DENND1A: variants seen among roughly 807,000 people sequenced by gnomAD.
DENND1A encodes the protein DENN domain containing 1A.
A neutral mutation model predicts 113.7 loss-of-function variants in DENND1A; 51 were observed. The ratio of observed to expected loss-of-function variants is 0.45; its 90% confidence interval spans 0.36 to 0.57. DENND1A has a LOEUF of 0.57. Among genes scored for constraint, DENND1A ranks in the 20% least tolerant of loss-of-function variants. DENND1A has a pLI of 0.00. For synonymous variants in DENND1A, 565 were observed against 570.8 expected (o/e 0.99, Z 0.14); for missense variants, 1,258 against 1,395.9 (o/e 0.90, Z 1.57).
chr9:123,889,992 CAA>C (rs1168649641), intron 1 of DENND1A, among the ~76,000 whole-genome samples: 11 of 151,996 alleles, frequency 7.2e-5, no homozygotes, highest in African/African-American at 2.7e-4. Flanking sequence ...AAAAAAAATT[CAA>C]AAGAGTCCAT....
intron 1 of DENND1A, among the ~76,000 whole-genome samples, chr9:123,898,406 T>C (rs1851101682): frequency 6.6e-6 from 1 of 152,204 alleles, no homozygotes; most frequent in Non-Finnish European, 1.5e-5. Flanking sequence ...CACAGCTTAC[T>C]GCAGCCTCAA....
At chr9:123,557,740 A>G in intron 12 of DENND1A, 45 bp from the exon 13 acceptor site, 2 of 1,606,498 alleles carry the variant, frequency 1.2e-6, no homozygotes, top group Non-Finnish European at 1.7e-6. Flanking sequence ...ACAGGGTCAA[A>G]GTAGGGTGGC....
At chr9:123,901,858 T>C (rs754675336) in intron 1 of DENND1A, among the ~76,000 whole-genome samples, 5 of 151,766 alleles carry the variant, frequency 3.3e-5, no homozygotes, top group African/African-American at 9.7e-5. Flanking sequence ...CAAAAAAAAT[T>C]AGCTGGGCAC....
At chr9:123,638,572 T>C (rs2061842735) in intron 9 of DENND1A, among the ~76,000 whole-genome samples, 1 of 152,182 alleles carries the variant, frequency 6.6e-6, no homozygotes, top group South Asian at 2.1e-4. Context: ...TGGGTTCAAG[T>C]GATTCTCCTG....
chr9:123,563,367 C>A (rs1215372833), intron 12 of DENND1A, among the ~76,000 whole-genome samples: 1 of 152,214 alleles, frequency 6.6e-6, no homozygotes, highest in African/African-American at 2.4e-5. Context: ...CCCCACTGCA[C>A]TCCTCAGGCA....
intron 1 of DENND1A, among the ~76,000 whole-genome samples, chr9:123,918,763 T>C (rs1195387844): frequency 6.6e-6 from 1 of 152,126 alleles, no homozygotes; most frequent in Non-Finnish European, 1.5e-5. Context: ...TCCCAGCTAG[T>C]ATGAAGAAGA....
intron 3 of DENND1A, among the ~76,000 whole-genome samples, chr9:123,772,120 A>G (rs1829822809): frequency 6.6e-6 from 1 of 152,298 alleles, no homozygotes; most frequent in African/African-American, 2.4e-5. Flanking sequence ...AGAGGGAGGG[A>G]AAAACAAGCA....
intron 2 of DENND1A, among the ~76,000 whole-genome samples, chr9:123,869,395 C>T (rs1846203581): frequency 6.6e-6 from 1 of 152,126 alleles, no homozygotes; most frequent in Admixed American, 6.5e-5. Flanking sequence ...TTATAATGAG[C>T]TCTCATTAGG....
At chr9:123,477,390 ATTTT>A (rs760921029) in intron 13 of DENND1A, among the ~76,000 whole-genome samples, 1 of 145,170 alleles carries the variant, frequency 6.9e-6, no homozygotes, top group Admixed American at 6.9e-5. Context: ...ATCTCTATAA[ATTTT>A]TTTTTTTTTT....
chr9:123,584,523 G>GGATGTCTCAA (rs1258200949), intron 11 of DENND1A, among the ~76,000 whole-genome samples: 1 of 152,184 alleles, frequency 6.6e-6, no homozygotes, highest in Non-Finnish European at 1.5e-5. Flanking sequence ...GACATCCAAT[G>GGATGTCTCAA]GCTGCTCAAG....
chr9:123,899,708 A>G (rs1023850623), intron 1 of DENND1A, among the ~76,000 whole-genome samples: 3 of 152,196 alleles, frequency 2.0e-5, no homozygotes, highest in African/African-American at 7.2e-5. Flanking sequence ...CTGAACTAAT[A>G]ATTTGCAACT....
At chr9:123,401,091 A>G (rs1465690226) in intron 21 of DENND1A, 1 of 152,444 alleles carries the variant, frequency 6.6e-6, no homozygotes, top group Admixed American at 6.5e-5. Flanking sequence ...ACAAAGGCCC[A>G]TTAGGATCGG....
chr9:123,692,914 T>C (rs992550477), intron 5 of DENND1A, among the ~76,000 whole-genome samples: 1 of 152,198 alleles, frequency 6.6e-6, no homozygotes, highest in Admixed American at 6.5e-5. Flanking sequence ...GATGGGTATT[T>C]TTAGCTATAA....
At chr9:123,862,116 C>A (rs1845142535) in intron 2 of DENND1A, among the ~76,000 whole-genome samples, 1 of 152,018 alleles carries the variant, frequency 6.6e-6, no homozygotes, top group African/African-American at 2.4e-5. Flanking sequence ...TTTTTTAATT[C>A]TTAAAGGCCA....
At chr9:123,788,958 A>G (rs547056255) in intron 3 of DENND1A, among the ~76,000 whole-genome samples, 1 of 152,252 alleles carries the variant, frequency 6.6e-6, no homozygotes, top group African/African-American at 2.4e-5. Flanking sequence ...TTTTCAAGTC[A>G]GGATCCTACC....
chr9:123,722,087 G>A (rs1313863926), intron 5 of DENND1A, among the ~76,000 whole-genome samples: 1 of 152,184 alleles, frequency 6.6e-6, no homozygotes, highest in Non-Finnish European at 1.5e-5. Context: ...TAAGGTCCAG[G>A]ATGAGGTGGT....
Position 123,657,445 on chromosome 9 carries a change from T to A in DENND1A, c.508-5322A>T, listed in dbSNP as rs558599163. On this transcript the variant is annotated intron_variant, in intron 8 of 23. Transcript: ENST00000394215. ...GGGGTGGGGATGGGAGGGGATATAG[T>A]GGGGCTTAGAGAGAAAGCGTCTTAG... Among the ~76,000 whole-genome samples the A allele has an allele frequency of 2.0e-5, 3 of 151,764 alleles. No individual in the cohort carries two copies. In the South Asian group the frequency reaches 6.3e-4, roughly 32 times the overall value.
chr9:123,913,566 A>T (rs1854463014), intron 1 of DENND1A, among the ~76,000 whole-genome samples: 1 of 152,232 alleles, frequency 6.6e-6, no homozygotes, highest in South Asian at 2.1e-4. Flanking sequence ...AAAAGATTTA[A>T]GAAACTCTGG....
intron 5 of DENND1A, among the ~76,000 whole-genome samples, chr9:123,737,089 G>C (rs566414270): frequency 6.6e-6 from 1 of 152,130 alleles, no homozygotes; most frequent in African/African-American, 2.4e-5. Context: ...AATCCTGCCT[G>C]GGTTAAAATT....
Sources: gnomAD v4.1 joint callset for allele counts (sites outside exome capture counted in the v4.1 genomes callset) on GRCh38, gnomAD v4.1.1 for gene constraint, MANE v1.5 for transcripts, NCBI Gene and HGNC (gene_info 2026-07-23, HGNC 2026-07-21) for gene names.